Variants in ZZZ3 observed in about 807,000 individuals in gnomAD.
ZZZ3 encodes the protein zinc finger ZZ-type containing 3, also known as ZZ-type zinc finger-containing protein 3.
ZZZ3 carries 22 observed loss-of-function variants against 95.2 expected under a neutral mutation model. The ratio of observed to expected loss-of-function variants is 0.23; its 90% CI spans 0.17 to 0.33. ZZZ3 has a LOEUF of 0.33. Among genes scored for constraint, ZZZ3 ranks in the 10% least tolerant of loss-of-function variants. ZZZ3 has a pLI of 1.00. For missense variants in ZZZ3, 885 were observed against 1,066.5 expected (o/e 0.83, Z 2.37); for synonymous variants, 335 against 358.9 (o/e 0.93, Z 0.75).
chr1:77,585,708 T>C (rs1019489938), intron 5 of ZZZ3, among the ~76,000 whole-genome samples: 7 of 152,316 alleles, frequency 4.6e-5, no homozygotes, highest in South Asian at 4.1e-4. Flanking sequence ...TCCCAGCACA[T>C]AGATGTTCAA....
intron 6 of ZZZ3, among the ~76,000 whole-genome samples, chr1:77,582,362 G>A (rs1346484106): frequency 6.6e-6 from 1 of 152,038 alleles, no homozygotes; most frequent in Admixed American, 6.6e-5. Flanking sequence ...TCTAGTTGGA[G>A]GGCAGTGTCT....
rs1241560621 is a variant in ZZZ3 at position 77,564,628 on chromosome 1, CAACA to C, written c.*1008_*1011del. ...CATACAAAATGTTTTAAATGATGCA[CAACA>C]AAATCCAGCAGTATAAAAGAATGCA... On this transcript the variant is annotated 3_prime_UTR_variant, in exon 15 of 15. Transcript: ENST00000370801. 1.3e-5 allele frequency: 2 copies of C among 152,566 alleles called. No homozygotes were observed. Among genetic ancestry groups the C allele is most frequent in the African/African-American group, 4.8e-5 (2 of 41,454 alleles). 9.5% of individuals were successfully genotyped at this position (152,566 alleles called of 1,614,324 possible).
chr1:77,587,279 T>A (rs777935331), intron 5 of ZZZ3, among the ~76,000 whole-genome samples: 5,881 of 146,532 alleles, frequency 0.04, 141 homozygotes, highest in East Asian at 0.095. Context: ...TTTTTTTTTT[T>A]TGAGACAGAG....
At chr1:77,671,198 G>A (rs1017282312) in intron 1 of ZZZ3, among the ~76,000 whole-genome samples, 1 of 152,014 alleles carries the variant, frequency 6.6e-6, no homozygotes, top group African/African-American at 2.4e-5. Flanking sequence ...TTACCTCCCT[G>A]TATATGCACA....
At chr1:77,660,056 T>C (rs1195460007) in intron 1 of ZZZ3, among the ~76,000 whole-genome samples, 1 of 152,148 alleles carries the variant, frequency 6.6e-6, no homozygotes, top group Non-Finnish European at 1.5e-5. Flanking sequence ...GGAGTGGTAC[T>C]CCTGGCCTCA....
chr1:77,637,916 T>C (rs1370714071), intron 4 of ZZZ3, among the ~76,000 whole-genome samples: 2 of 152,324 alleles, frequency 1.3e-5, no homozygotes, highest in African/African-American at 4.8e-5. Context: ...ATAAGAGGTA[T>C]ATGGTAAAAA....
intron 1 of ZZZ3, among the ~76,000 whole-genome samples, chr1:77,679,620 G>A (rs972730315): frequency 6.6e-6 from 1 of 152,132 alleles, no homozygotes; most frequent in Middle Eastern, 3.2e-3. Context: ...TGTGGAAATT[G>A]GCATGGTGTC....
At chr1:77,622,963 C>T (rs1307763061) in intron 5 of ZZZ3, among the ~76,000 whole-genome samples, 2 of 152,138 alleles carry the variant, frequency 1.3e-5, no homozygotes, top group East Asian at 1.9e-4. Flanking sequence ...AGAAAACATA[C>T]CCAGTGCATA....
chr1:77,654,680 C>T (rs1670110919), intron 1 of ZZZ3, among the ~76,000 whole-genome samples: 1 of 152,158 alleles, frequency 6.6e-6, no homozygotes, highest in South Asian at 2.1e-4. Flanking sequence ...TCAGGCCTTA[C>T]ATATTGCCTT....
chr1:77,580,312 A>T (rs888020261), intron 9 of ZZZ3: 4 of 152,240 alleles, frequency 2.6e-5, no homozygotes, highest in African/African-American at 9.7e-5. Flanking sequence ...TCTAAACTGT[A>T]TGCCAAAACT....
At chr1:77,641,956 A>G (rs151290079) in intron 1 of ZZZ3, among the ~76,000 whole-genome samples, 1 of 152,286 alleles carries the variant, frequency 6.6e-6, no homozygotes, top group East Asian at 1.9e-4. Flanking sequence ...CAATATAGAC[A>G]TATGTCATTT....
chr1:77,631,710 G>C lies in ZZZ3; in HGVS notation c.1505+140C>G, dbSNP rs1215786217. On this transcript the variant is annotated intron_variant, in intron 5 of 14. Coordinates refer to ENST00000370801, the MANE Select transcript of ZZZ3 (RefSeq NM_015534.6). ...AAGTCTTTTTTTGGAGTTTTTCTAA[G>C]AGTTGAGAAAATCATATTAAACCTA... The C allele has an allele frequency of 6.3e-6, 4 of 633,980 alleles. No individual in the cohort carries two copies. In the Admixed American group the frequency reaches 1.1e-4, roughly 17 times the overall value. The allele number at this position is 633,980 out of a possible 1,614,324, so 39.3% of individuals were successfully genotyped here.
intron 4 of ZZZ3, among the ~76,000 whole-genome samples, chr1:77,636,001 T>C (rs1668263938): frequency 6.6e-6 from 1 of 151,190 alleles, no homozygotes; most frequent in South Asian, 2.1e-4. Context: ...AGGGTTAAGA[T>C]TACTTATTTT....
In ZZZ3 at chr1:77,593,267, C is replaced by T. The variant is rs575610025; in HGVS notation, c.1506-8612G>A. Among the ~76,000 whole-genome samples, 220 of 152,280 alleles carry T rather than the reference C, an allele frequency of 1.4e-3. 1 individual carries two copies. Among genetic ancestry groups the T allele is most frequent in the Non-Finnish European group, 2.0e-3 (134 of 68,022 alleles). On this transcript the variant is annotated intron_variant, in intron 5 of 14. Coordinates refer to ENST00000370801, the MANE Select transcript of ZZZ3 (RefSeq NM_015534.6). ...GATCCAGACATCCCATACCTAGGTA[C>T]GACCTCAAGAAACTCTTGAATATAC...
chr1:77,649,972 TA>T (rs1177056113), intron 1 of ZZZ3, among the ~76,000 whole-genome samples: 4 of 149,950 alleles, frequency 2.7e-5, no homozygotes, highest in African/African-American at 9.8e-5. Context: ...TAAATGGGAG[TA>T]AATGTAATAG....
At chr1:77,569,934 A>G (rs1224207093) in intron 12 of ZZZ3, among the ~76,000 whole-genome samples, 6 of 152,078 alleles carry the variant, frequency 3.9e-5, no homozygotes, top group East Asian at 1.9e-4. Context: ...AGCATCCCCA[A>G]TTCTCTGATC....
intron 5 of ZZZ3, among the ~76,000 whole-genome samples, chr1:77,612,214 G>A (rs1306649567): frequency 1.3e-5 from 2 of 151,956 alleles, no homozygotes; most frequent in Non-Finnish European, 2.9e-5. Context: ...AATCATCAGG[G>A]AAATGCAAAT....
chr1:77,565,588 G>A lies in ZZZ3; in HGVS notation c.*52C>T. 2.6e-6 allele frequency: 4 copies of A among 1,566,170 alleles called. No homozygotes were observed. Among genetic ancestry groups the A allele is most frequent in the Non-Finnish European group, 3.5e-6 (4 of 1,148,096 alleles). Reference sequence around the variant, plus strand: ...CCAAACTGTGCACATAATTAACAATGATACCATTGCTATGTGTTGAAGAGG... The same window carrying A: ...CCAAACTGTGCACATAATTAACAATAATACCATTGCTATGTGTTGAAGAGG... On this transcript the variant is annotated 3_prime_UTR_variant, in exon 15 of 15. Coordinates refer to ENST00000370801, the MANE Select transcript of ZZZ3 (RefSeq NM_015534.6).
chr1:77,577,752 C>A (rs1662103842), intron 11 of ZZZ3, among the ~76,000 whole-genome samples: 1 of 152,148 alleles, frequency 6.6e-6, no homozygotes, highest in African/African-American at 2.4e-5. Flanking sequence ...GAACGAACAG[C>A]TGGGACTGCA....
Sources: gnomAD v4.1 joint callset for allele counts (sites outside exome capture counted in the v4.1 genomes callset) on GRCh38, gnomAD v4.1.1 for gene constraint, MANE v1.5 for transcripts, NCBI Gene and HGNC (gene_info 2026-07-23, HGNC 2026-07-21) for gene names.